The following NSD2 variants were observed in gnomAD, a reference collection of about 807,000 sequenced individuals.
NSD2 encodes the protein nuclear receptor binding SET domain protein 2.
NSD2 carries 12 observed loss-of-function variants against 139.0 expected under a neutral mutation model. That is an observed-to-expected ratio of 0.09 (90% CI 0.06 to 0.14). The LOEUF is 0.14. NSD2 is among the 10% of genes least tolerant of loss of function. The pLI, the probability that NSD2 is intolerant of heterozygous loss-of-function variation, is 1.00. For synonymous variants in NSD2, 669 were observed against 648.7 expected, an observed-to-expected ratio of 1.03 and a Z score of -0.48; for missense variants, 1,155 against 1,745.0, an observed-to-expected ratio of 0.66 and a Z score of 6.02.
intron 17 of NSD2, 143 bp downstream of exon 17, chr4:1,959,883 CAG>C (rs1178863586): frequency 3.0e-6 from 3 of 1,006,586 alleles, no homozygotes; most frequent in African/African-American, 3.3e-5. Flanking sequence ...TGTTTTGAGA[CAG>C]GGTCTCACTC....
intron 18 of NSD2, among the ~76,000 whole-genome samples, chr4:1,970,522 CAGA>C (rs1386153727): frequency 6.6e-6 from 1 of 152,102 alleles, no homozygotes; most frequent in African/African-American, 2.4e-5. Flanking sequence ...GTGAGTGTGC[CAGA>C]AGGAGTGATG....
intron 5 of NSD2, among the ~76,000 whole-genome samples, chr4:1,923,316 C>CAAA (rs34772768): frequency 9.6e-5 from 6 of 62,224 alleles, no homozygotes; most frequent in South Asian, 5.0e-4. Context: ...GACCCTGGCT[C>CAAA]AAAAAAAAAA....
rs780387498 is a variant in NSD2, at chr4:1,930,664, T to G, written c.1449T>G (p.Ile483Met). ...AEHPDASGEE[I>M]EELLRSQWSL... ...ACCCAGATGCTTCAGGTGAGGAGAT[T>G]GAAGAGCTGCTCAGGTCACAGTGGA... Residue 483 changes from isoleucine to methionine, a missense_variant, in exon 6 of 22, where the codon ATT becomes ATG. Physicochemically the swap from Ile to Met is conservative, Grantham distance 10 (BLOSUM62 1). Coordinates refer to ENST00000508803, the MANE Select transcript of NSD2 (RefSeq NM_001042424.3). 4.3e-6 allele frequency: 7 copies of G among 1,613,344 alleles called. No individual in the cohort carries two copies. In the African/African-American group the frequency reaches 9.3e-5, roughly 22 times the overall value.
intron 1 of NSD2, among the ~76,000 whole-genome samples, chr4:1,883,267 A>G (rs1560551861): frequency 6.6e-6 from 1 of 152,044 alleles, no homozygotes; most frequent in African/African-American, 2.4e-5. Flanking sequence ...AAATTTGTGG[A>G]CTTCCTTAGC....
Position 1,980,489 on chromosome 4 carries a change from T to C in NSD2, c.*1580T>C, listed in dbSNP as rs888460712. 1 of 233,166 alleles carries C rather than the reference T, an allele frequency of 4.3e-6. No individual in the cohort carries two copies. Among genetic ancestry groups the C allele is most frequent in the Admixed American group, 5.6e-5 (1 of 17,790 alleles). 14.4% of individuals were successfully genotyped at this position (233,166 alleles called of 1,614,324 possible). On this transcript the variant is annotated 3_prime_UTR_variant, in exon 22 of 22. Transcript: ENST00000508803. ...TTACAGAACTCCCCTTGAAAACTGC[T>C]GCTGAGGCTCCTGTTAAATTTTCTG...
In NSD2 at chr4:1,955,355, G is replaced by A. The variant is rs765560629; in HGVS notation, c.2518+15G>A. 36 of 1,601,320 alleles carry A rather than the reference G, an allele frequency of 2.2e-5. No homozygotes were observed. The highest frequency in any genetic ancestry group is 2.9e-5 in the Non-Finnish European group (34 of 1,171,710). On this transcript the variant is annotated intron_variant, in intron 13 of 21. Transcript: ENST00000508803. The surrounding 1 kb of genome is among the most constrained non-coding windows in gnomAD (Gnocchi z 4.7). ...GTGCTCCAAAGGTGAGGGGCCTGGG[G>A]GTGTCTGCGGCACACGCCTCTCACA...
intron 7 of NSD2, among the ~76,000 whole-genome samples, chr4:1,937,888 A>G (rs1263696661): frequency 6.6e-6 from 1 of 152,220 alleles, no homozygotes; most frequent in African/African-American, 2.4e-5. Context: ...TGCTTTTCTC[A>G]GTTGTGACAT....
chr4:1,907,707 G>C (rs1202684249), intron 3 of NSD2, among the ~76,000 whole-genome samples: 1 of 149,722 alleles, frequency 6.7e-6, no homozygotes, highest in African/African-American at 2.5e-5. Flanking sequence ...CTGCCTCCTG[G>C]GTTCAAGCAA....
intron 9 of NSD2, chr4:1,943,403 A>G (rs927649530): frequency 3.1e-5 from 32 of 1,041,558 alleles, no homozygotes; most frequent in Non-Finnish European, 3.6e-5. Flanking sequence ...TTGTGACAGT[A>G]ATAATGGTTA....
At chr4:1,938,611 G>A in intron 8 of NSD2, 79 bp downstream of exon 8, 1 of 1,203,436 alleles carries the variant, frequency 8.3e-7, no homozygotes, top group South Asian at 1.3e-5. Flanking sequence ...GAGTGTGAAA[G>A]GGGAAGGCTG....
chr4:1,935,521 T>C (rs1233383657), intron 7 of NSD2, among the ~76,000 whole-genome samples: 1 of 152,250 alleles, frequency 6.6e-6, no homozygotes, highest in African/African-American at 2.4e-5. Flanking sequence ...ATCCAAATGC[T>C]TTGAGTAATA....
chr4:1,872,387 C>A (rs1713856463), intron 1 of NSD2, among the ~76,000 whole-genome samples: 1 of 152,054 alleles, frequency 6.6e-6, no homozygotes, highest in Non-Finnish European at 1.5e-5. Flanking sequence ...AAAATCTCGG[C>A]GTTTAAAAAA....
At chr4:1,889,597 G>T (rs993826869) in intron 1 of NSD2, among the ~76,000 whole-genome samples, 208 of 151,972 alleles carry the variant, frequency 1.4e-3, no homozygotes, top group Non-Finnish European at 5.6e-4. Context: ...CGCCTCCTGA[G>T]TTCAAGCGAT....
At chr4:1,966,039 T>C (rs1725850989) in intron 18 of NSD2, among the ~76,000 whole-genome samples, 2 of 143,688 alleles carry the variant, frequency 1.4e-5, no homozygotes, top group African/African-American at 6.0e-5. Context: ...CTACAGGCAG[T>C]GGGCCAATGC....
intron 5 of NSD2, among the ~76,000 whole-genome samples, chr4:1,928,353 C>T (rs1364959743): frequency 6.6e-6 from 1 of 152,198 alleles, no homozygotes; most frequent in East Asian, 1.9e-4. Flanking sequence ...TGCTTTATAG[C>T]TGGCTAACCT....
chr4:1,941,650 G>A, intron 9 of NSD2: 9 of 1,041,750 alleles, frequency 8.6e-6, no homozygotes, highest in Non-Finnish European at 1.0e-5. Context: ...ACATTTTGAA[G>A]GTGATGCATA....
Position 1,976,853 on chromosome 4 carries a change from G to A in NSD2, c.3826+174G>A, listed in dbSNP as rs558194669. Among the ~76,000 whole-genome samples, 4 of 152,364 alleles carry A rather than the reference G, an allele frequency of 2.6e-5. No homozygotes were observed. The highest frequency in any genetic ancestry group is 1.3e-4 in the Admixed American group (2 of 15,314). On this transcript the variant is annotated intron_variant, in intron 21 of 21. Coordinates refer to ENST00000508803, the MANE Select transcript of NSD2 (RefSeq NM_001042424.3). The surrounding 1 kb of genome is among the most constrained non-coding windows in gnomAD (Gnocchi z 5.3). ...AGAGCCTTTCTTTGTTCCACCAGCC[G>A]CACATTCTAGATCTCTGCATCGAGC...
chr4:1,892,815 C>T (rs1053375550), intron 1 of NSD2: 1 of 152,128 alleles, frequency 6.6e-6, no homozygotes, highest in Non-Finnish European at 1.5e-5. Context: ...GATCCGCTCG[C>T]CTCAGCCTCC....
intron 5 of NSD2, among the ~76,000 whole-genome samples, chr4:1,921,527 A>G (rs1720123508): frequency 6.6e-6 from 1 of 151,876 alleles, no homozygotes; most frequent in African/African-American, 2.4e-5. Context: ...CATATCTGTA[A>G]TCCTAGCATT....
Sources: gnomAD v4.1 joint callset for allele counts (sites outside exome capture counted in the v4.1 genomes callset) on GRCh38, gnomAD v4.1.1 for gene constraint, Gnocchi (gnomAD v3.1) non-coding constraint, MANE v1.5 for transcripts, NCBI Gene and HGNC (gene_info 2026-07-23, HGNC 2026-07-21) for gene names.